Variants in STXBP5L observed in about 807,000 individuals in gnomAD.
STXBP5L encodes syntaxin-binding protein 5-like.
In STXBP5L, 65 loss-of-function variants were observed where a neutral mutation model predicts 144.5. The observed-to-expected ratio is 0.45, with a 90% CI of 0.37 to 0.55. The LOEUF (loss-of-function observed/expected upper bound fraction) is 0.55, where lower values mean the gene tolerates loss of function less well. STXBP5L is among the 20% of genes least tolerant of loss of function. STXBP5L has a pLI of 0.00. For synonymous variants in STXBP5L, 505 were observed against 469.6 expected (o/e 1.08, Z -0.97); for missense variants, 1,298 against 1,405.5 (o/e 0.92, Z 1.22).
intron 7 of STXBP5L, among the ~76,000 whole-genome samples, chr3:121,146,033 C>A (rs2045701409): frequency 6.6e-6 from 1 of 152,006 alleles, no homozygotes. Context: ...GTTCTCAGGA[C>A]TTCAGACTTT....
At chr3:121,134,132 G>A (rs1054578845) in intron 7 of STXBP5L, among the ~76,000 whole-genome samples, 4 of 152,176 alleles carry the variant, frequency 2.6e-5, no homozygotes, top group African/African-American at 9.6e-5. Context: ...AGGCTGGGGA[G>A]TCTGAGGTCT....
chr3:121,144,988 C>T lies in STXBP5L; in HGVS notation c.670-7489C>T, dbSNP rs1354461608. Among the ~76,000 whole-genome samples the T allele has an allele frequency of 2.6e-5, 4 of 151,860 alleles. No homozygotes were observed. The East Asian group carries it at 7.7e-4, about 29-fold the overall frequency. On this transcript the variant is annotated intron_variant, in intron 7 of 26. Coordinates refer to ENST00000471454, the MANE Select transcript of STXBP5L (RefSeq NM_001308330.2). The stretch of plus-strand genomic sequence containing the variant: ...ATAGAATCAAAGAGTGTAATGGTGG[C>T]TGATGGGCTGGGGGAGGTTGAAATG...
chr3:121,175,315 C>A (rs1279689957), intron 9 of STXBP5L, among the ~76,000 whole-genome samples: 2 of 151,932 alleles, frequency 1.3e-5, no homozygotes, highest in African/African-American at 4.8e-5. Context: ...AACTCCAAAC[C>A]CACTGTAACT....
chr3:121,035,081 G>T (rs1302676342), intron 3 of STXBP5L, among the ~76,000 whole-genome samples: 1 of 151,750 alleles, frequency 6.6e-6, no homozygotes, highest in African/African-American at 2.4e-5. Flanking sequence ...TTTTACTGTT[G>T]TTGAGTTGTT....
intron 3 of STXBP5L, among the ~76,000 whole-genome samples, chr3:121,007,492 C>T (rs1393184343): frequency 1.3e-5 from 2 of 151,912 alleles, no homozygotes; most frequent in African/African-American, 4.8e-5. Context: ...TGGAATTCAA[C>T]AGTGAAACCA....
chr3:121,172,569 CAT>C (rs1338194431), intron 9 of STXBP5L, among the ~76,000 whole-genome samples: 3 of 152,208 alleles, frequency 2.0e-5, no homozygotes, highest in Admixed American at 1.3e-4. Context: ...AGCCAACAAA[CAT>C]ATGAAAAACA....
At chr3:121,349,514 G>T (rs1295283820) in intron 20 of STXBP5L, among the ~76,000 whole-genome samples, 3 of 151,848 alleles carry the variant, frequency 2.0e-5, no homozygotes, top group East Asian at 3.9e-4. Flanking sequence ...GGATATCCTT[G>T]TTAACTTTCT....
intron 3 of STXBP5L, among the ~76,000 whole-genome samples, chr3:120,969,904 G>A (rs1380032513): frequency 6.6e-6 from 1 of 151,898 alleles, no homozygotes; most frequent in East Asian, 1.9e-4. Flanking sequence ...GTGGTTAAGT[G>A]AATTTCTCTG....
At chr3:120,997,123 G>T (rs989464287) in intron 3 of STXBP5L, among the ~76,000 whole-genome samples, 1 of 148,010 alleles carries the variant, frequency 6.8e-6, no homozygotes, top group Non-Finnish European at 1.5e-5. Context: ...CAAAGGAAAT[G>T]ATTTTTTTTA....
At chr3:121,317,734 A>G (rs897628629) in intron 19 of STXBP5L, among the ~76,000 whole-genome samples, 46 of 152,268 alleles carry the variant, frequency 3.0e-4, no homozygotes, top group African/African-American at 1.1e-3. Flanking sequence ...ATGTTTATTA[A>G]TCTGTTGTGT....
At chr3:121,141,933 C>T (rs1317184354) in intron 7 of STXBP5L, among the ~76,000 whole-genome samples, 1 of 151,836 alleles carries the variant, frequency 6.6e-6, no homozygotes, top group Non-Finnish European at 1.5e-5. Context: ...ATAAATTGAT[C>T]TCCCCAATCG....
At chr3:121,016,218 G>GA (rs1236459712) in intron 3 of STXBP5L, among the ~76,000 whole-genome samples, 6 of 152,156 alleles carry the variant, frequency 3.9e-5, no homozygotes, top group Middle Eastern at 3.4e-3. Context: ...CCAAAGACCA[G>GA]AAAAAATACA....
At chr3:121,095,684 C>T (rs1014973164) in intron 5 of STXBP5L, among the ~76,000 whole-genome samples, 7 of 152,246 alleles carry the variant, frequency 4.6e-5, no homozygotes, top group Non-Finnish European at 1.0e-4. Flanking sequence ...GTTAGCCATT[C>T]GTCTATTCTT....
At chr3:121,044,323 A>C (rs1051757928) in intron 4 of STXBP5L, among the ~76,000 whole-genome samples, 2 of 152,150 alleles carry the variant, frequency 1.3e-5, no homozygotes, top group East Asian at 1.9e-4. Context: ...CATAGGATAC[A>C]TGAGCATTTT....
chr3:121,028,487 T>G (rs1366803081), intron 3 of STXBP5L, among the ~76,000 whole-genome samples: 1 of 152,118 alleles, frequency 6.6e-6, no homozygotes, highest in African/African-American at 2.4e-5. Context: ...TTATATGATA[T>G]TCAAAAGTAA....
intron 20 of STXBP5L, among the ~76,000 whole-genome samples, chr3:121,323,330 A>G (rs1023962758): frequency 6.6e-6 from 1 of 152,194 alleles, no homozygotes; most frequent in African/African-American, 2.4e-5. Context: ...GAGGTGTTAC[A>G]TTGAAATATT....
chr3:121,048,189 G>C (rs1367880962), intron 5 of STXBP5L, among the ~76,000 whole-genome samples: 1 of 151,532 alleles, frequency 6.6e-6, no homozygotes, highest in Non-Finnish European at 1.5e-5. Context: ...ATTTCTTCTG[G>C]CTTGTAAGGT....
chr3:121,396,236 C>T (rs2046726763), intron 22 of STXBP5L, among the ~76,000 whole-genome samples: 1 of 152,194 alleles, frequency 6.6e-6, no homozygotes, highest in Non-Finnish European at 1.5e-5. Context: ...CTCTATTTCC[C>T]CCTTTCTGCT....
In STXBP5L at chr3:121,378,807, C is replaced by G. The variant is rs918019529; in HGVS notation, c.2268C>G (p.Arg756=). Residue 756 remains arginine (R), a synonymous_variant, in exon 21 of 27, where the codon CGC becomes CGG. Coordinates refer to ENST00000471454, the MANE Select transcript of STXBP5L (RefSeq NM_001308330.2). The part of the protein sequence containing the change: ...LSSADVSKVN[R]WGPGRPPFRK... Reference sequence around the variant, plus strand: ...GTGCCGATGTTTCAAAAGTAAATCGCTGGGGTCCTGGAAGACCACCATTTC... The same window carrying G: ...GTGCCGATGTTTCAAAAGTAAATCGGTGGGGTCCTGGAAGACCACCATTTC... 1.2e-6 allele frequency: 2 copies of G among 1,613,718 alleles called. No homozygotes were observed. The highest frequency in any genetic ancestry group is 8.5e-7 in the Non-Finnish European group (1 of 1,179,836).
Sources: allele counts gnomAD v4.1 joint callset (sites outside exome capture counted in the v4.1 genomes callset), GRCh38; gene constraint gnomAD v4.1.1; transcripts MANE v1.5; gene names NCBI Gene and HGNC (gene_info 2026-07-23, HGNC 2026-07-21).